ALDH1L2: variants seen among roughly 807,000 people sequenced by gnomAD.
ALDH1L2 encodes mitochondrial 10-formyltetrahydrofolate dehydrogenase.
In ALDH1L2, 91 loss-of-function variants were observed where a neutral mutation model predicts 111.0. That is an observed-to-expected ratio of 0.82 (90% confidence interval 0.69 to 0.98). The LOEUF is 0.98. Among genes scored for constraint, ALDH1L2 ranks in the 50% least tolerant of loss-of-function variants. The pLI is 0.00. For synonymous variants in ALDH1L2, 374 were observed against 392.6 expected, an observed-to-expected ratio of 0.95 and a Z score of 0.56; for missense variants, 995 against 1,126.8, an observed-to-expected ratio of 0.88 and a Z score of 1.67.
At chr12:105,071,575 TTA>T (rs985173691) in intron 2 of ALDH1L2, among the ~76,000 whole-genome samples, 1 of 137,358 alleles carries the variant, frequency 7.3e-6, no homozygotes. Context: ...TCTTAAGTAT[TTA>T]TATATATATT....
At position 105,041,177 on chromosome 12, in the gene ALDH1L2, A is replaced by C. The variant is rs1191436023; in HGVS notation, c.1864-483T>G. 2.0e-5 allele frequency among the ~76,000 whole-genome samples: 3 copies of C among 152,358 alleles called. No homozygotes were observed. In the East Asian group the frequency reaches 5.8e-4, roughly 29 times the overall value. ...TCACCAATTATCCCAATAATGTCTT[A>C]CAGCAAAAGAAAATCCAACATCTGC... On this transcript the variant is annotated intron_variant, in intron 15 of 22. Transcript: ENST00000258494.
rs1446037194 is a variant in ALDH1L2 at position 105,049,957 on chromosome 12, A to G, written c.1637T>C (p.Met546Thr). ...YTLALKTHIG[M>T]SVQTFRYFAG... Reference sequence around the variant, plus strand: ...AAAATATCTGAATGTTTGCACAGACATTCCAATGTGTGTCTTCAGGGCCAA... The same window carrying G: ...AAAATATCTGAATGTTTGCACAGACGTTCCAATGTGTGTCTTCAGGGCCAA... The change falls in exon 13 of 23, where the codon ATG (methionine) becomes ACG (threonine). Residue 546 changes from methionine (M) to threonine (T), a missense_variant. Met to Thr is a moderately conservative substitution (Grantham distance 81, BLOSUM62 -1). Coordinates refer to ENST00000258494, the MANE Select transcript of ALDH1L2 (RefSeq NM_001034173.4). The G allele has an allele frequency of 1.2e-6, 2 of 1,612,742 alleles. No individual in the cohort carries two copies. Among genetic ancestry groups the G allele is most frequent in the Non-Finnish European group, 1.7e-6 (2 of 1,179,378 alleles).
At chr12:105,038,013 C>T (rs1875261507) in intron 18 of ALDH1L2, 90 bp downstream of exon 18, 6 of 999,870 alleles carry the variant, frequency 6.0e-6, no homozygotes, top group South Asian at 2.9e-5. Flanking sequence ...GTGATCCACC[C>T]GTCTTGGCCT....
chr12:105,071,626 A>ATTT, intron 2 of ALDH1L2, among the ~76,000 whole-genome samples: 2 of 14,960 alleles, frequency 1.3e-4, no homozygotes, highest in African/African-American at 7.3e-4. Flanking sequence ...ATATATATAT[A>ATTT]TATATATATA....
chr12:105,046,421 T>C (rs570554327), intron 15 of ALDH1L2, among the ~76,000 whole-genome samples: 44 of 151,618 alleles, frequency 2.9e-4, no homozygotes, highest in African/African-American at 6.5e-4. Context: ...TGTTGGGCAC[T>C]TGGCATTTTG....
In ALDH1L2 at chr12:105,026,544, C is replaced by A; in HGVS notation, c.2716+1G>T. On this transcript the variant is annotated splice_donor_variant, in intron 22 of 22. Coordinates refer to ENST00000258494, the MANE Select transcript of ALDH1L2 (RefSeq NM_001034173.4). LOFTEE classifies it high-confidence loss of function. ...GGTGAAGCAGAAAAGTAAAGCCATA[C>A]CTAAGTCTTTTCCAAAGCCAGATTG... 2 of 1,614,048 alleles carry A rather than the reference C, an allele frequency of 1.2e-6. No individual in the cohort carries two copies. The highest frequency in any genetic ancestry group is 1.1e-5 in the South Asian group (1 of 91,078).
chr12:105,028,173 C>T (rs1253527567), intron 21 of ALDH1L2, among the ~76,000 whole-genome samples: 2 of 152,126 alleles, frequency 1.3e-5, no homozygotes, highest in Non-Finnish European at 2.9e-5. Flanking sequence ...GGCAGTGGTG[C>T]GATCTCGGCT....
chr12:105,041,933 C>G (rs1875559980), intron 15 of ALDH1L2, among the ~76,000 whole-genome samples: 1 of 152,154 alleles, frequency 6.6e-6, no homozygotes, highest in Non-Finnish European at 1.5e-5. Context: ...TTGATTCTTC[C>G]CTACTCCAGC....
chr12:105,033,116 C>T (rs113414695), intron 19 of ALDH1L2, among the ~76,000 whole-genome samples: 1 of 152,176 alleles, frequency 6.6e-6, no homozygotes, highest in Non-Finnish European at 1.5e-5. Flanking sequence ...TCTCTTAGTG[C>T]GTTCCCCAGG....
At chr12:105,080,076 T>C (rs539335337) in intron 1 of ALDH1L2, among the ~76,000 whole-genome samples, 1 of 152,352 alleles carries the variant, frequency 6.6e-6, no homozygotes, top group East Asian at 1.9e-4. Context: ...TATGTCATTA[T>C]TACAAATACC....
chr12:105,060,981 C>T lies in ALDH1L2; in HGVS notation c.1139G>A (p.Arg380Lys). 1 of 1,613,664 alleles carries T rather than the reference C, an allele frequency of 6.2e-7. No homozygotes were observed. The highest frequency in any genetic ancestry group is 8.5e-7 in the Non-Finnish European group (1 of 1,179,652). The change falls in exon 9 of 23, where the codon AGG becomes AAG. Residue 380 changes from arginine (R) to lysine (K), a missense_variant and splice_region_variant. Arg to Lys is a conservative substitution (Grantham distance 26). Coordinates refer to ENST00000258494, the MANE Select transcript of ALDH1L2 (RefSeq NM_001034173.4). ...TGAGTCAATAAGGGCGTGGTTTTAC[C>T]TGGCAACATCCATTGAGCTTGCTCC... ...KSGASSMDVA[R>K]LVEEIRQKCG...
chr12:105,049,250 A>G (rs1241162193), intron 13 of ALDH1L2, among the ~76,000 whole-genome samples: 2 of 152,154 alleles, frequency 1.3e-5, no homozygotes, highest in African/African-American at 4.8e-5. Flanking sequence ...TGCAAAGAAG[A>G]TCATTAGACT....
intron 12 of ALDH1L2, chr12:105,050,786 A>T: frequency 2.6e-6 from 1 of 386,032 alleles, no homozygotes; most frequent in Non-Finnish European, 5.2e-6. Flanking sequence ...ACTGCCCTTT[A>T]TAAAACCATC....
chr12:105,030,569 G>A (rs1363191225), intron 20 of ALDH1L2, 140 bp from the exon 21 acceptor site: 4 of 553,912 alleles, frequency 7.2e-6, no homozygotes, highest in Non-Finnish European at 1.2e-5. Context: ...TCTCTATTTG[G>A]TGTTGGCATG....
At chr12:105,070,828 T>G in intron 2 of ALDH1L2, 24 bp from the exon 3 acceptor site, 1 of 1,581,194 alleles carries the variant, frequency 6.3e-7, no homozygotes, top group Non-Finnish European at 8.6e-7. Flanking sequence ...AGAAGATTTT[T>G]TTTTTAGAAG....
chr12:105,073,837 C>T (rs1335718158), intron 2 of ALDH1L2, 24 bp downstream of exon 2: 25 of 1,613,200 alleles, frequency 1.5e-5, no homozygotes, highest in Non-Finnish European at 1.9e-5. Flanking sequence ...AATTCTTGAC[C>T]CAGTCATCCC....
chr12:105,030,225 A>C, intron 21 of ALDH1L2, 99 bp downstream of exon 21: 1 of 667,334 alleles, frequency 1.5e-6, no homozygotes, highest in Non-Finnish European at 2.3e-6. Context: ...AGAAAATTAC[A>C]TGTTCATTAA....
chr12:105,030,425 A>C lies in ALDH1L2; in HGVS notation c.2415T>G (p.Phe805Leu). 6.2e-7 allele frequency: 1 copy of C among 1,603,862 alleles called. No individual in the cohort carries two copies. Among genetic ancestry groups the C allele is most frequent in the Non-Finnish European group, 8.5e-7 (1 of 1,175,052 alleles). The change falls in exon 21 of 23, where the codon TTT becomes TTG. Residue 805 changes from phenylalanine (F) to leucine (L), a missense_variant. Transcript: ENST00000258494. The part of the protein sequence containing the change: ...YGGRQVQRPG[F>L]FMEPTVFTDV... Reference sequence around the variant, plus strand: ...CTGTGAACACGGTCGGCTCCATGAAAAAGCCTTTTTGGAAAAAACAAAGAA... The same window carrying C: ...CTGTGAACACGGTCGGCTCCATGAACAAGCCTTTTTGGAAAAAACAAAGAA...
At chr12:105,048,709 G>A (rs1216621711) in intron 13 of ALDH1L2, 2 of 152,058 alleles carry the variant, frequency 1.3e-5, no homozygotes, top group Non-Finnish European at 2.9e-5. Flanking sequence ...TATTATTCCT[G>A]TATCTTTATC....
Sources: gnomAD v4.1 joint callset for allele counts (sites outside exome capture counted in the v4.1 genomes callset) on GRCh38, gnomAD v4.1.1 for gene constraint, MANE v1.5 for transcripts, NCBI Gene and HGNC (gene_info 2026-07-23, HGNC 2026-07-21) for gene names.